EIF2AK4: variants seen among roughly 807,000 people sequenced by gnomAD.
EIF2AK4 encodes the protein eIF-2-alpha kinase GCN2.
In EIF2AK4, 139 loss-of-function variants were observed where a neutral mutation model predicts 211.1. That is an observed-to-expected ratio of 0.66 (90% CI 0.57 to 0.76). The LOEUF (loss-of-function observed/expected upper bound fraction) is 0.76, where lower values mean the gene tolerates loss of function less well. Among genes scored for constraint, EIF2AK4 ranks in the 30% least tolerant of loss-of-function variants. The pLI, the probability that EIF2AK4 is intolerant of heterozygous loss-of-function variation, is 0.00. For synonymous variants in EIF2AK4, 710 were observed against 751.3 expected, an observed-to-expected ratio of 0.94 and a Z score of 0.90; for missense variants, 1,664 against 2,043.8, an observed-to-expected ratio of 0.81 and a Z score of 3.58.
chr15:39,968,497 G>A (rs565494153), intron 9 of EIF2AK4, among the ~76,000 whole-genome samples: 11 of 152,152 alleles, frequency 7.2e-5, no homozygotes, highest in Non-Finnish European at 1.5e-4. Context: ...TTCTAATTTC[G>A]TCCTGCCTCT....
At chr15:40,032,383 TATTAAG>T (rs2035555632) in intron 36 of EIF2AK4, 146 bp downstream of exon 36, 1 of 662,984 alleles carries the variant, frequency 1.5e-6, no homozygotes, top group Non-Finnish European at 2.6e-6. Flanking sequence ...AATTTAAAAC[TATTAAG>T]AACTAGGGGG....
chr15:39,990,359 A>G lies in EIF2AK4; in HGVS notation c.2613A>G (p.Thr871=). Residue 871 remains threonine, a synonymous_variant, in exon 16 of 39, where the codon ACA becomes ACG. Transcript: ENST00000263791. The part of the protein sequence containing the change: ...HVKIGDFGLA[T]DHLAFSADSK... ...AAATAGGTGATTTTGGTTTGGCGAC[A>G]GACCATCTAGCCTTTTCTGTAAGTA... 6.2e-7 allele frequency: 1 copy of G among 1,614,198 alleles called. No homozygotes were observed. Among genetic ancestry groups the G allele is most frequent in the Non-Finnish European group, 8.5e-7 (1 of 1,180,000 alleles).
Position 40,026,039 on chromosome 15 carries a change from C to T in EIF2AK4, c.4452C>T (p.Asp1484=). Residue 1484 remains aspartate (D), a synonymous_variant, in exon 33 of 39, where the codon GAC becomes GAT. Transcript: ENST00000263791. ...GTGTGCTGGAGACTGAACTTGTGGA[C>T]CATGTACTGCAGAAACTGAGGACTA... ...EKRVLETELV[D]HVLQKLRTKV... The T allele has an allele frequency of 6.2e-7, 1 of 1,614,090 alleles. No individual in the cohort carries two copies. The highest frequency in any genetic ancestry group is 8.5e-7 in the Non-Finnish European group (1 of 1,180,024).
At chr15:39,979,664 A>G (rs2034752560) in intron 13 of EIF2AK4, among the ~76,000 whole-genome samples, 3 of 152,242 alleles carry the variant, frequency 2.0e-5, no homozygotes. Flanking sequence ...CTTTTTGCCC[A>G]CATTTAAAAC....
chr15:39,987,309 G>A (rs867967376), intron 14 of EIF2AK4, among the ~76,000 whole-genome samples: 4 of 152,218 alleles, frequency 2.6e-5, no homozygotes, highest in Admixed American at 1.3e-4. Context: ...CAATTATTCC[G>A]AAGGTGATAG....
rs998984391 is a variant in EIF2AK4 at position 40,032,869 on chromosome 15, A to G, written c.4773+68A>G. 9 of 1,373,190 alleles carry G rather than the reference A, an allele frequency of 6.6e-6. No individual in the cohort carries two copies. In the Admixed American group the frequency reaches 1.8e-4, roughly 27 times the overall value. 85.1% of individuals were successfully genotyped at this position (1,373,190 alleles called of 1,614,324 possible). A position where few individuals can be genotyped will look rare whatever the true frequency, so the allele number is the denominator to read the frequency against. On this transcript the variant is annotated intron_variant, in intron 37 of 38. Transcript: ENST00000263791. ...CAAATCTTTGCTATTAGTTTGCCAA[A>G]ATACTGAAGACGGCATTCATTAGTG...
chr15:40,033,012 T>C (rs1243408358), intron 37 of EIF2AK4, among the ~76,000 whole-genome samples: 3 of 152,314 alleles, frequency 2.0e-5, no homozygotes, highest in South Asian at 2.1e-4. Context: ...ATTTTTCAGA[T>C]ACTTATTTTA....
rs1022640998 is a variant in EIF2AK4 at position 40,019,482 on chromosome 15, G to A, written c.4173+282G>A. 7.9e-5 allele frequency among the ~76,000 whole-genome samples: 12 copies of A among 152,110 alleles called. 1 individual carries two copies. The highest frequency in any genetic ancestry group is 5.9e-4 in the Admixed American group (9 of 15,264). On this transcript the variant is annotated intron_variant, in intron 30 of 38. Coordinates refer to ENST00000263791, the MANE Select transcript of EIF2AK4 (RefSeq NM_001013703.4). Reference sequence around the variant, plus strand: ...TCCAGGGCCTGTTACGAACCGGGCCGCACAGCAGGAGGTGAGCAGTGGGCA... The same window carrying A: ...TCCAGGGCCTGTTACGAACCGGGCCACACAGCAGGAGGTGAGCAGTGGGCA...
chr15:39,983,137 G>T (rs1427949546), intron 13 of EIF2AK4, among the ~76,000 whole-genome samples: 1 of 152,196 alleles, frequency 6.6e-6, no homozygotes, highest in African/African-American at 2.4e-5. Flanking sequence ...TTCCACAATG[G>T]TTGAACTAAT....
At chr15:40,000,895 T>A in intron 20 of EIF2AK4, 93 bp from the exon 21 acceptor site, 5 of 1,278,918 alleles carry the variant, frequency 3.9e-6, no homozygotes, top group Non-Finnish European at 5.5e-6. Context: ...GTGGCACCTT[T>A]TCTTTGACCT....
intron 9 of EIF2AK4, among the ~76,000 whole-genome samples, chr15:39,968,873 G>GATATATATATATATAT (rs376138307): frequency 1.6e-4 from 24 of 147,194 alleles, no homozygotes; most frequent in South Asian, 1.1e-3. Context: ...AAGTGAATAT[G>GATATATATATATATAT]ATATATATAT....
intron 9 of EIF2AK4, among the ~76,000 whole-genome samples, chr15:39,970,746 G>A (rs1288696038): frequency 1.3e-5 from 2 of 152,122 alleles, no homozygotes; most frequent in Admixed American, 1.3e-4. Context: ...GGAAGGGGAG[G>A]TTGGTCAAAG....
chr15:39,939,711 G>T (rs1443648199), intron 2 of EIF2AK4, 94 bp downstream of exon 2: 3 of 937,494 alleles, frequency 3.2e-6, no homozygotes, highest in Admixed American at 5.7e-5. Flanking sequence ...TCTCCTTCCT[G>T]CTCCCATTCC....
rs1360036951 is a variant in EIF2AK4, at chr15:39,976,632, C to T, written c.2037C>T (p.Asp679=). 6.2e-7 allele frequency: 1 copy of T among 1,605,160 alleles called. No individual in the cohort carries two copies. Among genetic ancestry groups the T allele is most frequent in the African/African-American group, 1.3e-5 (1 of 74,692 alleles). Residue 679 remains aspartate (D), a synonymous_variant, in exon 12 of 39, where the codon GAC becomes GAT. Transcript: ENST00000263791. The part of the protein sequence containing the change: ...PPDSGPLAKD[D]RAARGQPASD... ...ACTCCGGGCCCCTGGCCAAGGATGACCGAGCTGCACGCGGGCAGCCGGCGA... is the reference window on the plus strand; with the variant it reads ...ACTCCGGGCCCCTGGCCAAGGATGATCGAGCTGCACGCGGGCAGCCGGCGA...
At chr15:39,939,390 T>G (rs867798980) in intron 1 of EIF2AK4, 115 bp from the exon 2 acceptor site, 5 of 570,742 alleles carry the variant, frequency 8.8e-6, no homozygotes, top group African/African-American at 1.9e-5. Flanking sequence ...CTATTTAAAA[T>G]ATAATTACAA....
chr15:40,030,998 G>A (rs1203698093), intron 35 of EIF2AK4, among the ~76,000 whole-genome samples: 2 of 152,218 alleles, frequency 1.3e-5, no homozygotes, highest in Admixed American at 6.5e-5. Flanking sequence ...CCAGCACTTT[G>A]GGAGGCCGAG....
At chr15:39,968,806 T>A (rs776751656) in intron 9 of EIF2AK4, among the ~76,000 whole-genome samples, 5 of 152,064 alleles carry the variant, frequency 3.3e-5, no homozygotes, top group Non-Finnish European at 7.3e-5. Flanking sequence ...TCACTGATGG[T>A]CTTACCATTA....
intron 3 of EIF2AK4, among the ~76,000 whole-genome samples, chr15:39,947,199 G>C (rs1246290739): frequency 6.6e-6 from 1 of 152,072 alleles, no homozygotes; most frequent in Admixed American, 6.5e-5. Flanking sequence ...TGGAGTACTG[G>C]AAAGTCTAAA....
chr15:39,980,959 A>G (rs1220507080), intron 13 of EIF2AK4, among the ~76,000 whole-genome samples: 6 of 152,268 alleles, frequency 3.9e-5, no homozygotes, highest in Admixed American at 3.3e-4. Context: ...AAGCAGTTCA[A>G]TGTATTTGAA....
Sources: gnomAD v4.1 joint callset for allele counts (sites outside exome capture counted in the v4.1 genomes callset) on GRCh38, gnomAD v4.1.1 for gene constraint, MANE v1.5 for transcripts, NCBI Gene and HGNC (gene_info 2026-07-23, HGNC 2026-07-21) for gene names.